Variants in AGO2 observed in about 807,000 individuals in gnomAD.
AGO2 encodes the protein protein argonaute-2.
AGO2 carries 5 observed loss-of-function variants against 102.3 expected under a neutral mutation model. The observed-to-expected ratio is 0.05, with a 90% CI of 0.03 to 0.10. The LOEUF (loss-of-function observed/expected upper bound fraction) is 0.10, where lower values mean the gene tolerates loss of function less well. Among genes scored for constraint, AGO2 ranks in the 10% least tolerant of loss-of-function variants. The probability of loss-of-function intolerance (pLI) is 1.00; values close to 1 mark genes in which losing one functional copy is unlikely to be tolerated. For synonymous variants in AGO2, 449 were observed against 473.1 expected (o/e 0.95, Z 0.66); for missense variants, 541 against 1,183.7 (o/e 0.46, Z 7.97).
intron 10 of AGO2, among the ~76,000 whole-genome samples, chr8:140,552,737 C>CGT (rs1564082229): frequency 5.0e-4 from 42 of 84,734 alleles, no homozygotes; most frequent in South Asian, 1.0e-3. Context: ...CACGCGCGCG[C>CGT]GCGCACACAC....
chr8:140,630,188 G>A (rs753393400), intron 1 of AGO2, among the ~76,000 whole-genome samples: 9 of 152,226 alleles, frequency 5.9e-5, no homozygotes, highest in African/African-American at 1.7e-4. Context: ...GTTCCAGCCT[G>A]TTCATCTTTA....
At chr8:140,549,430 A>G in intron 11 of AGO2, 132 bp from the exon 12 acceptor site, 1 of 879,092 alleles carries the variant, frequency 1.1e-6, no homozygotes, top group Non-Finnish European at 1.7e-6. Context: ...AATTGTTCTT[A>G]AAGTCCTGAA....
chr8:140,570,883 C>A (rs7015457), intron 3 of AGO2, among the ~76,000 whole-genome samples: 1 of 152,160 alleles, frequency 6.6e-6, no homozygotes. Flanking sequence ...ACCATATAGA[C>A]GCCCTCAGCC....
Position 140,615,997 on chromosome 8 carries a change from C to T in AGO2, c.22+19488G>A, listed in dbSNP as rs747497443. On this transcript the variant is annotated intron_variant, in intron 1 of 18. Transcript: ENST00000220592. ...CTGATATCATTCATCTGAATCAATG[C>T]GTACCCTGTCATCAGCGAGCCCTAA... Among the ~76,000 whole-genome samples the T allele has an allele frequency of 3.3e-5, 5 of 152,184 alleles. No individual in the cohort carries two copies. In the South Asian group the frequency reaches 6.2e-4, roughly 19 times the overall value.
Position 140,593,500 on chromosome 8 carries a change from C to T in AGO2, c.23-8189G>A, listed in dbSNP as rs929341137. ...AGCCACTGTGCCCGGCCGACATACA[C>T]TGATCTGCCACCCTCATGCCTCGTA... On this transcript the variant is annotated intron_variant, in intron 1 of 18. Coordinates refer to ENST00000220592, the MANE Select transcript of AGO2 (RefSeq NM_012154.5). Among the ~76,000 whole-genome samples, 5 of 149,404 alleles carry T rather than the reference C, an allele frequency of 3.3e-5. 1 individual carries two copies. The East Asian group carries it at 9.9e-4, about 29-fold the overall frequency.
intron 16 of AGO2, among the ~76,000 whole-genome samples, chr8:140,537,245 A>G (rs1198371852): frequency 6.6e-6 from 1 of 151,842 alleles, no homozygotes; most frequent in Non-Finnish European, 1.5e-5. Flanking sequence ...GAACTCAGCT[A>G]TTTGTAGGGA....
intron 1 of AGO2, among the ~76,000 whole-genome samples, chr8:140,618,773 T>C (rs1285654088): frequency 6.6e-6 from 1 of 151,646 alleles, no homozygotes; most frequent in African/African-American, 2.4e-5. Context: ...TGAGCCGTGA[T>C]TGTATTACTG....
chr8:140,582,087 A>G (rs1315650703), intron 2 of AGO2, among the ~76,000 whole-genome samples: 2 of 152,386 alleles, frequency 1.3e-5, no homozygotes, highest in South Asian at 2.1e-4. Flanking sequence ...GCAGAAATTG[A>G]TAAGTTATTT....
rs532649214 is a variant in AGO2 at position 140,618,293 on chromosome 8, C to T, written c.22+17192G>A. On this transcript the variant is annotated intron_variant, in intron 1 of 18. Transcript: ENST00000220592. ...CGAGATCGTGCCACTGCACTCTAGC[C>T]TAGGCAACAGAGCAAGACTCCGTCT... Among the ~76,000 whole-genome samples the T allele has an allele frequency of 2.0e-5, 3 of 151,174 alleles. No homozygotes were observed. In the East Asian group the frequency reaches 5.9e-4, roughly 30 times the overall value.
At chr8:140,580,526 C>G (rs1242351452) in intron 2 of AGO2, among the ~76,000 whole-genome samples, 1 of 152,204 alleles carries the variant, frequency 6.6e-6, no homozygotes, top group African/African-American at 2.4e-5. Flanking sequence ...CAGGGCCCCA[C>G]CTTCGTCTCC....
chr8:140,532,699 T>C, intron 17 of AGO2, 84 bp from the exon 18 acceptor site: 1 of 1,404,822 alleles, frequency 7.1e-7, no homozygotes, highest in Non-Finnish European at 9.8e-7. Flanking sequence ...ATTTGTATTA[T>C]TAAAAATGCA....
At chr8:140,607,198 G>A (rs1283253721) in intron 1 of AGO2, among the ~76,000 whole-genome samples, 8 of 151,698 alleles carry the variant, frequency 5.3e-5, no homozygotes, top group African/African-American at 1.4e-4. Flanking sequence ...GCAGTGACCC[G>A]AGATCATGTC....
intron 1 of AGO2, among the ~76,000 whole-genome samples, chr8:140,611,281 A>G (rs2074074520): frequency 6.6e-6 from 1 of 152,096 alleles, no homozygotes; most frequent in Non-Finnish European, 1.5e-5. Context: ...ACTCCTGCAG[A>G]AAGCAGCAAA....
At chr8:140,555,609 C>T (rs2073080454) in intron 10 of AGO2, 3 of 324,554 alleles carry the variant, frequency 9.2e-6, no homozygotes, top group Admixed American at 4.8e-5. Context: ...ATAATTCGAC[C>T]CTCGGTGAGT....
At chr8:140,558,820 T>G (rs529434660) in intron 6 of AGO2, among the ~76,000 whole-genome samples, 31 of 152,342 alleles carry the variant, frequency 2.0e-4, no homozygotes, top group African/African-American at 7.5e-4. Flanking sequence ...ACCCTCGTGC[T>G]GTTCTGCGCC....
chr8:140,579,679 T>TC (rs1391475941), intron 2 of AGO2, among the ~76,000 whole-genome samples: 25 of 151,986 alleles, frequency 1.6e-4, no homozygotes, highest in Non-Finnish European at 1.2e-4. Flanking sequence ...TTTTTTTTTT[T>TC]CAGAGTAGTC....
intron 1 of AGO2, among the ~76,000 whole-genome samples, chr8:140,631,994 AATGTT>A (rs1236860713): frequency 6.6e-6 from 1 of 152,208 alleles, no homozygotes; most frequent in Non-Finnish European, 1.5e-5. Context: ...TTAAAACTCA[AATGTT>A]ATGTTTTGAA....
chr8:140,618,314 C>T (rs982472745), intron 1 of AGO2, among the ~76,000 whole-genome samples: 15 of 148,778 alleles, frequency 1.0e-4, no homozygotes, highest in Admixed American at 7.4e-4. Context: ...AGCAAGACTC[C>T]GTCTCAGGAA....
intron 1 of AGO2, among the ~76,000 whole-genome samples, chr8:140,629,926 C>T (rs28714220): frequency 7.1e-6 from 1 of 141,180 alleles, no homozygotes; most frequent in South Asian, 2.3e-4. Flanking sequence ...GGGAGGGGAG[C>T]GGAGGGGAGA....
Sources: allele counts gnomAD v4.1 joint callset (sites outside exome capture counted in the v4.1 genomes callset), GRCh38; gene constraint gnomAD v4.1.1; transcripts MANE v1.5; gene names NCBI Gene and HGNC (gene_info 2026-07-23, HGNC 2026-07-21).